Variants in LOXHD1 observed in about 807,000 individuals in gnomAD.
LOXHD1 encodes the protein lipoxygenase homology PLAT domains 1.
In LOXHD1, 205 loss-of-function variants were observed where a neutral mutation model predicts 248.2. That is an observed-to-expected ratio of 0.83 (90% CI 0.74 to 0.93). The LOEUF (loss-of-function observed/expected upper bound fraction) is 0.93, where lower values mean the gene tolerates loss of function less well. Ranked by LOEUF, LOXHD1 falls within the 40% of genes least tolerant of loss-of-function variation. LOXHD1 has a pLI of 0.00. For missense variants in LOXHD1, 2,930 were observed against 2,971.6 expected (o/e 0.99, Z 0.33); for synonymous variants, 1,113 against 1,162.8 (o/e 0.96, Z 0.87).
intron 5 of LOXHD1, among the ~76,000 whole-genome samples, chr18:46,617,030 A>G (rs116397131): frequency 0.011 from 1,728 of 152,322 alleles, 29 homozygotes; most frequent in African/African-American, 0.039. Flanking sequence ...AAGTGAACAC[A>G]TCTTCAGTAT....
At chr18:46,583,836 G>A (rs1036629971) in intron 12 of LOXHD1, among the ~76,000 whole-genome samples, 1 of 83,196 alleles carries the variant, frequency 1.2e-5, no homozygotes, top group Admixed American at 1.1e-4. Context: ...CCCATTACTG[G>A]GTATATATCC....
intron 12 of LOXHD1, among the ~76,000 whole-genome samples, chr18:46,586,755 T>C (rs2038069324): frequency 6.6e-6 from 1 of 152,224 alleles, no homozygotes; most frequent in South Asian, 2.1e-4. Flanking sequence ...GCCATAGCTG[T>C]TGTTTTTAAA....
At chr18:46,622,989 C>G (rs974791606) in intron 4 of LOXHD1, among the ~76,000 whole-genome samples, 1 of 152,154 alleles carries the variant, frequency 6.6e-6, no homozygotes, top group Non-Finnish European at 1.5e-5. Context: ...TTGGGAGAAA[C>G]AGGGCTTAGC....
intron 31 of LOXHD1, among the ~76,000 whole-genome samples, chr18:46,523,485 T>C (rs991290129): frequency 6.6e-6 from 1 of 152,186 alleles, no homozygotes; most frequent in African/African-American, 2.4e-5. Context: ...CTTTGGACTT[T>C]TATGTGAGTG....
chr18:46,544,121 A>G (rs1383136839), intron 23 of LOXHD1, among the ~76,000 whole-genome samples: 2 of 152,212 alleles, frequency 1.3e-5, no homozygotes, highest in South Asian at 2.1e-4. Context: ...GGCCCACCTC[A>G]TGTAGAAAGT....
chr18:46,577,523 G>C (rs1004105297), intron 14 of LOXHD1, among the ~76,000 whole-genome samples, 184 bp downstream of exon 14: 3 of 152,052 alleles, frequency 2.0e-5, no homozygotes, highest in African/African-American at 7.2e-5. Context: ...ACGGTGGTAG[G>C]GGGTGAGAAG....
Position 46,610,792 on chromosome 18 carries a change from C to G in LOXHD1, c.743G>C (p.Gly248Ala). ...TGAACTCACCTGGGACAGGAACCAA[C>G]CTGCAGAGCCCCCCTTATTGTTGTG... ...VGHNNKGGSAGWFLSQIVIED... is the reference protein window; with the variant it reads ...VGHNNKGGSAAWFLSQIVIED... Residue 248 changes from glycine to alanine, a missense_variant, in exon 6 of 41, where the codon GGT becomes GCT. Gly to Ala is a moderately conservative substitution (Grantham distance 60). Transcript: ENST00000642948. 6.4e-7 allele frequency: 1 copy of G among 1,551,376 alleles called. No homozygotes were observed. Among genetic ancestry groups the G allele is most frequent in the Non-Finnish European group, 8.7e-7 (1 of 1,146,820 alleles).
chr18:46,488,703 C>G (rs978084683), intron 38 of LOXHD1, among the ~76,000 whole-genome samples: 1 of 152,182 alleles, frequency 6.6e-6, no homozygotes, highest in African/African-American at 2.4e-5. Flanking sequence ...CACACCAAAC[C>G]ACCCAGCTCA....
Position 46,534,319 on chromosome 18 carries a change from C to G in LOXHD1, c.4212+16G>C. On this transcript the variant is annotated intron_variant, in intron 27 of 40. Coordinates refer to ENST00000642948, the MANE Select transcript of LOXHD1 (RefSeq NM_001384474.1). ...GGGACAAAAGAAACAGCAGGACAGA[C>G]CAGTCAACAACTCACGTCTTTATCC... 6.5e-7 allele frequency: 1 copy of G among 1,532,772 alleles called. No individual in the cohort carries two copies. The highest frequency in any genetic ancestry group is 8.8e-7 in the Non-Finnish European group (1 of 1,129,996). The allele number at this position is 1,532,772 out of a possible 1,614,324, so 94.9% of individuals were successfully genotyped here.
At chr18:46,580,724 G>A (rs183128962) in intron 12 of LOXHD1, among the ~76,000 whole-genome samples, 2 of 152,228 alleles carry the variant, frequency 1.3e-5, no homozygotes, top group Admixed American at 6.5e-5. Context: ...TAACACAGTG[G>A]AGGGACATCT....
rs328145 is a variant in LOXHD1, at chr18:46,593,486, A to C, written c.1431+114T>G. 1,016,294 of 1,218,650 alleles carry C rather than the reference A, an allele frequency of 0.83. 427,415 individuals are homozygous for C. Among genetic ancestry groups the C allele is most frequent in the Non-Finnish European group, 0.86 (757,659 of 879,742 alleles). 75.5% of individuals were successfully genotyped at this position (1,218,650 alleles called of 1,614,324 possible). ...CAGGGACCTAAAATCTCCATCGTAC[A>C]TTTTTGTCTTCAAACTTGGTCCAAA... On this transcript the variant is annotated intron_variant, in intron 10 of 40. Transcript: ENST00000642948.
chr18:46,538,076 G>A (rs1321038421), intron 26 of LOXHD1, 80 bp downstream of exon 26: 4 of 1,284,016 alleles, frequency 3.1e-6, no homozygotes, highest in Non-Finnish European at 4.3e-6. Flanking sequence ...AAGGGCATGT[G>A]TTCTGCCCTG....
At chr18:46,497,966 C>G (rs1455402032) in intron 37 of LOXHD1, among the ~76,000 whole-genome samples, 2 of 152,196 alleles carry the variant, frequency 1.3e-5, no homozygotes, top group African/African-American at 2.4e-5. Context: ...GTCTCAGTGG[C>G]TGGAATTAAA....
chr18:46,601,643 C>T, intron 7 of LOXHD1, 176 bp from the exon 8 acceptor site: 3 of 786,050 alleles, frequency 3.8e-6, no homozygotes, highest in Non-Finnish European at 6.2e-6. Flanking sequence ...GACCTCATTT[C>T]ATCTTTTCCA....
chr18:46,592,449 C>T (rs1403246279), intron 11 of LOXHD1, 49 bp downstream of exon 11: 1 of 1,435,390 alleles, frequency 7.0e-7, no homozygotes. Context: ...AGGGACCATC[C>T]TTGTTCCTTT....
chr18:46,508,542 C>T (rs1329423865), intron 35 of LOXHD1, among the ~76,000 whole-genome samples: 1 of 152,222 alleles, frequency 6.6e-6, no homozygotes, highest in Admixed American at 6.5e-5. Context: ...ACACCTTCAC[C>T]TTGGACTTCT....
intron 26 of LOXHD1, among the ~76,000 whole-genome samples, chr18:46,535,974 A>T (rs1285644101): frequency 6.6e-6 from 1 of 152,210 alleles, no homozygotes; most frequent in Non-Finnish European, 1.5e-5. Flanking sequence ...CAACATCAGA[A>T]GGGACCCTAG....
intron 38 of LOXHD1, 64 bp from the exon 39 acceptor site, chr18:46,485,215 G>A (rs948603744): frequency 2.6e-6 from 4 of 1,518,238 alleles, no homozygotes; most frequent in Non-Finnish European, 3.6e-6. Flanking sequence ...CAGGGCGGGA[G>A]CAAGAGGGTC....
intron 4 of LOXHD1, among the ~76,000 whole-genome samples, chr18:46,626,867 AG>A (rs1269115752): frequency 2.6e-5 from 4 of 152,288 alleles, no homozygotes; most frequent in African/African-American, 7.2e-5. Flanking sequence ...CCTCCCTTGC[AG>A]CGTTGTGAAA....
Sources: gnomAD v4.1 joint callset for allele counts (sites outside exome capture counted in the v4.1 genomes callset) on GRCh38, gnomAD v4.1.1 for gene constraint, MANE v1.5 for transcripts, NCBI Gene and HGNC (gene_info 2026-07-23, HGNC 2026-07-21) for gene names.